The following PTDSS2 variants were observed in gnomAD, a reference collection of about 807,000 sequenced individuals.
PTDSS2 encodes PSS-2.
In PTDSS2, 41 loss-of-function variants were observed where a neutral mutation model predicts 64.7. The ratio of observed to expected loss-of-function variants is 0.63; its 90% CI spans 0.49 to 0.82. The LOEUF (loss-of-function observed/expected upper bound fraction) is 0.82, where lower values mean the gene tolerates loss of function less well. PTDSS2 is among the 40% of genes least tolerant of loss of function. The pLI is 0.00. For missense variants in PTDSS2, 485 were observed against 650.0 expected (o/e 0.75, Z 2.76); for synonymous variants, 297 against 277.8 (o/e 1.07, Z -0.69).
At chr11:488,373 C>G (rs904951315) in intron 7 of PTDSS2, 61 bp downstream of exon 7, 6 of 1,461,098 alleles carry the variant, frequency 4.1e-6, no homozygotes, top group Non-Finnish European at 5.7e-6. Context: ...CTCGGAACCC[C>G]TGTGCCCAGC....
At chr11:486,017 G>A (rs1367175311) in intron 4 of PTDSS2, among the ~76,000 whole-genome samples, 2 of 151,166 alleles carry the variant, frequency 1.3e-5, no homozygotes, top group Non-Finnish European at 2.9e-5. Flanking sequence ...GGGCGCGCGT[G>A]CTCACCGTGT....
rs1463719415 is a variant in PTDSS2 at position 476,391 on chromosome 11, C to T, written c.367+2414C>T. Among the ~76,000 whole-genome samples, 1 of 152,162 alleles carries T rather than the reference C, an allele frequency of 6.6e-6. No homozygotes were observed. On this transcript the variant is annotated intron_variant, in intron 3 of 11. Coordinates refer to ENST00000308020, the MANE Select transcript of PTDSS2 (RefSeq NM_030783.3). This position sits in a 1 kb window ranked among gnomAD's most constrained non-coding sequence, Gnocchi z 4.9. ...CTGGCGCGGTGATGGTGAGAAACTTCCCGGCACACAGTGAAAAGCCTGGTG... is the reference window on the plus strand; with the variant it reads ...CTGGCGCGGTGATGGTGAGAAACTTTCCGGCACACAGTGAAAAGCCTGGTG...
At position 450,342 on chromosome 11, in the gene PTDSS2, G is replaced by A. The variant is rs1161496795; in HGVS notation, c.-114G>A. On this transcript the variant is annotated 5_prime_UTR_variant, in exon 1 of 12. Transcript: ENST00000308020. ...TGCTCTCCTAAGACCCCGCGGGCCA[G>A]CGCCGCGACCCCTTCCCAGCGCTCC... The A allele has an allele frequency of 4.1e-6, 4 of 981,926 alleles. No individual in the cohort carries two copies. The highest frequency in any genetic ancestry group is 5.2e-6 in the Non-Finnish European group (4 of 765,868). The allele number at this position is 981,926 out of a possible 1,614,324, so 60.8% of individuals were successfully genotyped here.
intron 3 of PTDSS2, among the ~76,000 whole-genome samples, chr11:474,861 A>G (rs1438851905): frequency 6.6e-6 from 1 of 150,546 alleles, no homozygotes; most frequent in Non-Finnish European, 1.5e-5. Flanking sequence ...TTGTTTGTGT[A>G]TACGGACATA....
At chr11:453,232 A>G (rs1846425845) in intron 1 of PTDSS2, among the ~76,000 whole-genome samples, 1 of 152,200 alleles carries the variant, frequency 6.6e-6, no homozygotes, top group Non-Finnish European at 1.5e-5. Flanking sequence ...TATGGGGAAC[A>G]TCCAGAGGAA....
chr11:480,801 G>C (rs1039287578), intron 4 of PTDSS2, among the ~76,000 whole-genome samples: 1 of 152,192 alleles, frequency 6.6e-6, no homozygotes. Flanking sequence ...CGCCTGCATT[G>C]ACAGGGCACG....
chr11:458,465 A>C (rs1288902305), intron 1 of PTDSS2, among the ~76,000 whole-genome samples: 1 of 148,440 alleles, frequency 6.7e-6, no homozygotes, highest in Non-Finnish European at 1.5e-5. Flanking sequence ...TCGGCCTCCC[A>C]AAGTGCTGGG....
intron 3 of PTDSS2, among the ~76,000 whole-genome samples, chr11:474,940 G>A (rs941689461): frequency 3.3e-5 from 5 of 149,440 alleles, no homozygotes; most frequent in South Asian, 2.1e-4. Flanking sequence ...TTTATGATAC[G>A]GACATAATCA....
rs2133769105 is a variant in PTDSS2 at position 460,438 on chromosome 11, T to C, written c.284+150T>C. The C allele has an allele frequency of 4.7e-6, 3 of 641,440 alleles. No homozygotes were observed. The allele number at this position is 641,440 out of a possible 1,614,324, so 39.7% of individuals were successfully genotyped here. A position where few individuals can be genotyped will look rare whatever the true frequency, so the allele number is the denominator to read the frequency against. On this transcript the variant is annotated intron_variant, in intron 2 of 11. Coordinates refer to ENST00000308020, the MANE Select transcript of PTDSS2 (RefSeq NM_030783.3). This position sits in a 1 kb window ranked among gnomAD's most constrained non-coding sequence, Gnocchi z 5.8. ...CGGCCTCTCCCTTGAGTGTGTCTGA[T>C]GTGCAGACTCCAGGGCTGCCCTTGG...
chr11:487,080 C>T lies in PTDSS2; in HGVS notation c.570+7C>T, dbSNP rs369601016. 6.4e-5 allele frequency: 103 copies of T among 1,610,548 alleles called. No homozygotes were observed. Among genetic ancestry groups the T allele is most frequent in the Middle Eastern group, 1.7e-4 (1 of 5,984 alleles). ...CCCCTTTCACAACATCTGGGTAAGA[C>T]GCCGGGGGCCCTGAGGCGAGCCCCT... On this transcript the variant is annotated splice_region_variant and intron_variant, in intron 5 of 11. Coordinates refer to ENST00000308020, the MANE Select transcript of PTDSS2 (RefSeq NM_030783.3).
At chr11:455,616 G>A (rs1322103442) in intron 1 of PTDSS2, among the ~76,000 whole-genome samples, 1 of 152,238 alleles carries the variant, frequency 6.6e-6, no homozygotes, top group East Asian at 1.9e-4. Context: ...GGTCCCTGCT[G>A]TTTCTCAGAA....
Position 462,730 on chromosome 11 carries a change from A to G in PTDSS2, c.284+2442A>G, listed in dbSNP as rs1012891001. On this transcript the variant is annotated intron_variant, in intron 2 of 11. Coordinates refer to ENST00000308020, the MANE Select transcript of PTDSS2 (RefSeq NM_030783.3). The surrounding 1 kb of genome is among the most constrained non-coding windows in gnomAD (Gnocchi z 4.5). ...GCAGCCACCCTACCTGCCCCTACGC[A>G]GGGTGTCCACACAGAGGGTGTCCGC... Among the ~76,000 whole-genome samples the G allele has an allele frequency of 1.3e-5, 2 of 152,150 alleles. No individual in the cohort carries two copies. Among genetic ancestry groups the G allele is most frequent in the African/African-American group, 4.8e-5 (2 of 41,440 alleles).
rs189839382 is a variant in PTDSS2 at position 477,805 on chromosome 11, G to A, written c.368-1280G>A. Among the ~76,000 whole-genome samples, 24 of 152,328 alleles carry A rather than the reference G, an allele frequency of 1.6e-4. No homozygotes were observed. The East Asian group carries it at 3.7e-3, about 23-fold the overall frequency. ...GGCTGCCCCGAGTTAATTTCACCACGAGCCCCTCAAACTCTTGGGCCACTG... is the reference window on the plus strand; with the variant it reads ...GGCTGCCCCGAGTTAATTTCACCACAAGCCCCTCAAACTCTTGGGCCACTG... On this transcript the variant is annotated intron_variant, in intron 3 of 11. Coordinates refer to ENST00000308020, the MANE Select transcript of PTDSS2 (RefSeq NM_030783.3).
Position 454,846 on chromosome 11 carries a change from CTT to C in PTDSS2, c.182+4211_182+4212del, listed in dbSNP as rs570593160. 2.1e-3 allele frequency among the ~76,000 whole-genome samples: 319 copies of C among 152,298 alleles called. 1 individual carries two copies. The highest frequency in any genetic ancestry group is 7.2e-3 in the African/African-American group (298 of 41,560). On this transcript the variant is annotated intron_variant, in intron 1 of 11. Transcript: ENST00000308020. ...AACTTGTGTTAGTGTGTGATCCTGT[CTT>C]TGTGTGCTGTGGAACTTGGTGCTGG... is the stretch of plus-strand genomic sequence containing the variant.
intron 10 of PTDSS2, 70 bp downstream of exon 10, chr11:489,803 C>T (rs1235157265): frequency 9.6e-6 from 15 of 1,560,474 alleles, no homozygotes; most frequent in Middle Eastern, 1.7e-4. Context: ...GGAGCAGAGC[C>T]TGGGAGGCCG....
At position 479,429 on chromosome 11, in the gene PTDSS2, CAGGGCCA is replaced by C; in HGVS notation, c.435+278_435+284del. ...TGGGGCGCTGACTGTGGCCATTTAGCAGGGCCACACTTAAGGAGGGCAGGGCCAGTGG... is the reference window on the plus strand; with the variant it reads ...TGGGGCGCTGACTGTGGCCATTTAGCCACTTAAGGAGGGCAGGGCCAGTGG... On this transcript the variant is annotated intron_variant, in intron 4 of 11. Coordinates refer to ENST00000308020, the MANE Select transcript of PTDSS2 (RefSeq NM_030783.3). This position sits in a 1 kb window ranked among gnomAD's most constrained non-coding sequence, Gnocchi z 4.2. The C allele has an allele frequency of 1.9e-6, 1 of 537,778 alleles. No individual in the cohort carries two copies. The highest frequency in any genetic ancestry group is 3.3e-6 in the Non-Finnish European group (1 of 298,752). The allele number at this position is 537,778 out of a possible 1,614,324, so 33.3% of individuals were successfully genotyped here.
At chr11:486,709 G>A (rs1224143746) in intron 4 of PTDSS2, among the ~76,000 whole-genome samples, 2 of 152,146 alleles carry the variant, frequency 1.3e-5, no homozygotes, top group African/African-American at 2.4e-5. Context: ...CTAGCCGGGC[G>A]TGGTGGCGGG....
Position 462,395 on chromosome 11 carries a change from G to A in PTDSS2, c.284+2107G>A, listed in dbSNP as rs1012923579. 6.6e-6 allele frequency among the ~76,000 whole-genome samples: 1 copy of A among 152,214 alleles called. No homozygotes were observed. Among genetic ancestry groups the A allele is most frequent in the African/African-American group, 2.4e-5 (1 of 41,462 alleles). ...TGTTCATTGAGAGGGGCCAGGAGAC[G>A]GGAATTCACGGGGCCCTGGGCACTC... On this transcript the variant is annotated intron_variant, in intron 2 of 11. Coordinates refer to ENST00000308020, the MANE Select transcript of PTDSS2 (RefSeq NM_030783.3). The surrounding 1 kb of genome is among the most constrained non-coding windows in gnomAD (Gnocchi z 4.5).
intron 2 of PTDSS2, among the ~76,000 whole-genome samples, chr11:469,596 G>C (rs866616423): frequency 1.3e-5 from 2 of 152,074 alleles, no homozygotes; most frequent in Admixed American, 1.3e-4. Flanking sequence ...ACCATTGCAC[G>C]TTTAGCCCAG....
Sources: allele counts gnomAD v4.1 joint callset (sites outside exome capture counted in the v4.1 genomes callset), GRCh38; gene constraint gnomAD v4.1.1; non-coding constraint Gnocchi (gnomAD v3.1); transcripts MANE v1.5; gene names NCBI Gene and HGNC (gene_info 2026-07-23, HGNC 2026-07-21).